The following ARHGAP26 variants were observed in gnomAD, a reference collection of about 807,000 sequenced individuals.
ARHGAP26 encodes Rho GTPase activating protein 26, also known as rho GTPase-activating protein 26.
A neutral mutation model predicts 104.8 loss-of-function variants in ARHGAP26; 38 were observed. The ratio of observed to expected loss-of-function variants is 0.36; its 90% CI spans 0.28 to 0.48. ARHGAP26 has a LOEUF of 0.48. Ranked by LOEUF, ARHGAP26 falls within the 20% of genes least tolerant of loss-of-function variation. The pLI, the probability that ARHGAP26 is intolerant of heterozygous loss-of-function variation, is 0.99. For missense variants in ARHGAP26, 704 were observed against 947.9 expected (o/e 0.74, Z 3.38); for synonymous variants, 341 against 340.0 (o/e 1.00, Z -0.03).
At chr5:143,179,767 G>GTTTC (rs1235916512) in intron 20 of ARHGAP26, among the ~76,000 whole-genome samples, 1 of 152,068 alleles carries the variant, frequency 6.6e-6, no homozygotes, top group African/African-American at 2.4e-5. Flanking sequence ...TGTTATTGTG[G>GTTTC]GGAAAGTCCT....
intron 4 of ARHGAP26, among the ~76,000 whole-genome samples, chr5:142,883,343 G>C (rs559045792): frequency 2.6e-5 from 4 of 152,322 alleles, no homozygotes; most frequent in South Asian, 4.1e-4. Flanking sequence ...CAAAGTTGCT[G>C]GTTTCACTAA....
intron 22 of ARHGAP26, among the ~76,000 whole-genome samples, chr5:143,217,401 A>G (rs1017191667): frequency 6.6e-6 from 1 of 152,230 alleles, no homozygotes; most frequent in African/African-American, 2.4e-5. Flanking sequence ...CATTTCAACA[A>G]GAGCACCTCA....
Position 143,228,937 on chromosome 5 carries a change from T to G in ARHGAP26, c.*6491T>G, listed in dbSNP as rs1395685328. ...CTTGGCTTTCTTACATGTGGTTGGT[T>G]TATGTGACAATCCCTATGAAATGAG... On this transcript the variant is annotated 3_prime_UTR_variant, in exon 23 of 23. Coordinates refer to ENST00000645722, the MANE Select transcript of ARHGAP26 (RefSeq NM_001135608.3). The G allele has an allele frequency of 5.3e-6, 1 of 187,668 alleles. No homozygotes were observed. The highest frequency in any genetic ancestry group is 2.3e-5 in the African/African-American group (1 of 42,818). 11.6% of individuals were successfully genotyped at this position (187,668 alleles called of 1,614,324 possible).
At chr5:143,111,922 A>C (rs951251290) in intron 17 of ARHGAP26, among the ~76,000 whole-genome samples, 2 of 152,200 alleles carry the variant, frequency 1.3e-5, no homozygotes, top group African/African-American at 4.8e-5. Context: ...GCAGTAGGTG[A>C]CGTGTTTAAC....
chr5:143,122,841 A>G (rs1046564442), intron 18 of ARHGAP26, among the ~76,000 whole-genome samples: 14 of 152,208 alleles, frequency 9.2e-5, no homozygotes, highest in African/African-American at 3.4e-4. Flanking sequence ...CTTCAGCAGA[A>G]GTAACTGCAT....
chr5:143,082,889 G>A (rs558525202), intron 17 of ARHGAP26, among the ~76,000 whole-genome samples: 2 of 152,258 alleles, frequency 1.3e-5, no homozygotes, highest in South Asian at 2.1e-4. Context: ...AGAACGTCAC[G>A]GGTTTTTGAG....
chr5:143,040,418 C>CTGTATTTTA (rs1783284743), intron 13 of ARHGAP26, among the ~76,000 whole-genome samples: 1 of 149,722 alleles, frequency 6.7e-6, no homozygotes, highest in Non-Finnish European at 1.5e-5. Context: ...GTGTTTTGGC[C>CTGTATTTTA]CCCAAGTATT....
At chr5:143,156,234 C>G (rs1031620602) in intron 20 of ARHGAP26, among the ~76,000 whole-genome samples, 2 of 152,162 alleles carry the variant, frequency 1.3e-5, no homozygotes, top group East Asian at 1.9e-4. Context: ...GCTTTTGAAA[C>G]CTTTTTTAGT....
rs1377774138 is a variant in ARHGAP26, at chr5:142,871,854, G to A, written c.155-1546G>A. Among the ~76,000 whole-genome samples, 1 of 152,222 alleles carries A rather than the reference G, an allele frequency of 6.6e-6. No individual in the cohort carries two copies. Among genetic ancestry groups the A allele is most frequent in the Non-Finnish European group, 1.5e-5 (1 of 68,042 alleles). ...TGTGAAAGTGACTGAACGAGGGAGA[G>A]ATCGGAGACTGTTGGCTCCTGTGTT... On this transcript the variant is annotated intron_variant, in intron 1 of 22. Transcript: ENST00000645722. This position sits in a 1 kb window ranked among gnomAD's most constrained non-coding sequence, Gnocchi z 4.1.
intron 22 of ARHGAP26, among the ~76,000 whole-genome samples, chr5:143,218,819 G>A (rs947681460): frequency 1.3e-5 from 2 of 152,204 alleles, no homozygotes; most frequent in Non-Finnish European, 2.9e-5. Flanking sequence ...AGAGCATTGG[G>A]CTAGGCAACA....
intron 17 of ARHGAP26, among the ~76,000 whole-genome samples, chr5:143,097,012 A>G (rs1792425514): frequency 1.3e-5 from 2 of 152,176 alleles, no homozygotes; most frequent in Admixed American, 1.3e-4. Context: ...TGGGAGGCCA[A>G]GGCAGATGGA....
At chr5:143,097,440 G>A (rs1396206306) in intron 17 of ARHGAP26, among the ~76,000 whole-genome samples, 2 of 151,162 alleles carry the variant, frequency 1.3e-5, no homozygotes, top group South Asian at 2.1e-4. Context: ...AGTACATTCA[G>A]GTAACTTTAC....
intron 2 of ARHGAP26, among the ~76,000 whole-genome samples, chr5:142,874,739 C>T (rs905630032): frequency 1.3e-5 from 2 of 152,060 alleles, no homozygotes; most frequent in Non-Finnish European, 2.9e-5. Flanking sequence ...GACGCAACGC[C>T]ATGACAAAGG....
intron 12 of ARHGAP26, among the ~76,000 whole-genome samples, chr5:143,032,079 G>A (rs1598724554): frequency 6.6e-6 from 1 of 152,154 alleles, no homozygotes; most frequent in Admixed American, 6.5e-5. Flanking sequence ...TGAGAAAATC[G>A]ACTTTGCTAC....
intron 1 of ARHGAP26, among the ~76,000 whole-genome samples, chr5:142,774,691 C>T (rs1005545088): frequency 2.6e-5 from 4 of 152,114 alleles, no homozygotes; most frequent in African/African-American, 9.7e-5. Context: ...TAGTAACATA[C>T]AGAATACTTT....
At chr5:142,947,808 A>C (rs974418475) in intron 11 of ARHGAP26, among the ~76,000 whole-genome samples, 1 of 152,228 alleles carries the variant, frequency 6.6e-6, no homozygotes, top group African/African-American at 2.4e-5. Context: ...AACCTAGAAC[A>C]GCCCCTGGCC....
intron 17 of ARHGAP26, among the ~76,000 whole-genome samples, chr5:143,098,602 A>C (rs929965534): frequency 6.6e-6 from 1 of 152,228 alleles, no homozygotes; most frequent in Non-Finnish European, 1.5e-5. Context: ...GTGGGTAGAC[A>C]TGATAGGAAA....
intron 1 of ARHGAP26, among the ~76,000 whole-genome samples, chr5:142,818,467 C>T (rs10477197): frequency 0.022 from 3,377 of 152,252 alleles, 81 homozygotes; most frequent in African/African-American, 0.06. Flanking sequence ...GTGGCTGCAC[C>T]GTCTGCTGTC....
chr5:143,204,616 C>G (rs1194184358), intron 20 of ARHGAP26, among the ~76,000 whole-genome samples: 1 of 152,150 alleles, frequency 6.6e-6, no homozygotes, highest in Non-Finnish European at 1.5e-5. Flanking sequence ...TGCATTCCAG[C>G]CGCACCCCCA....
Sources: allele counts gnomAD v4.1 joint callset (sites outside exome capture counted in the v4.1 genomes callset), GRCh38; gene constraint gnomAD v4.1.1; non-coding constraint Gnocchi (gnomAD v3.1); transcripts MANE v1.5; gene names NCBI Gene and HGNC (gene_info 2026-07-23, HGNC 2026-07-21).